The following VWF variants were observed in gnomAD, a reference collection of about 807,000 sequenced individuals.
VWF encodes Factor VIII related antigen.
A neutral mutation model predicts 308.6 loss-of-function variants in VWF; 176 were observed. That is an observed-to-expected ratio of 0.57 (90% CI 0.50 to 0.65). The LOEUF is 0.65. Among genes scored for constraint, VWF ranks in the 30% least tolerant of loss-of-function variants. The pLI, the probability that VWF is intolerant of heterozygous loss-of-function variation, is 0.00. For synonymous variants in VWF, 1,385 were observed against 1,443.4 expected, an observed-to-expected ratio of 0.96 and a Z score of 0.92; for missense variants, 3,146 against 3,648.2, an observed-to-expected ratio of 0.86 and a Z score of 3.55.
At chr12:6,048,167 G>T (rs534903996) in intron 16 of VWF, among the ~76,000 whole-genome samples, 2 of 152,238 alleles carry the variant, frequency 1.3e-5, no homozygotes, top group South Asian at 4.1e-4. Flanking sequence ...ATTCAGTTTT[G>T]TTTTGCTTTG....
At position 6,027,876 on chromosome 12, in the gene VWF, A is replaced by C. The variant is rs11610548; in HGVS notation, c.2967+1466T>G. On this transcript the variant is annotated intron_variant, in intron 22 of 51. Coordinates refer to ENST00000261405, the MANE Select transcript of VWF (RefSeq NM_000552.5). Reference sequence around the variant, plus strand: ...CACACACACACACACACACACACACACACACACCCCTAAACAAAAAAACTT... The same window carrying C: ...CACACACACACACACACACACACACCCACACACCCCTAAACAAAAAAACTT... Among the ~76,000 whole-genome samples, 768 of 86,738 alleles carry C rather than the reference A, an allele frequency of 8.9e-3. 10 individuals carry two copies. Among genetic ancestry groups the C allele is most frequent in the African/African-American group, 0.036 (724 of 20,308 alleles). 56.9% of individuals were successfully genotyped at this position (86,738 alleles called of 152,430 possible).
At chr12:5,949,265 G>A (rs1943150611) in intron 51 of VWF, 62 bp from the exon 52 acceptor site, 7 of 1,557,248 alleles carry the variant, frequency 4.5e-6, no homozygotes, top group Non-Finnish European at 6.1e-6. Context: ...CTTAGGCAGG[G>A]CTCTGGGGCA....
chr12:5,985,151 G>T (rs1418884856), intron 39 of VWF, 32 bp from the exon 40 acceptor site: 3 of 1,605,364 alleles, frequency 1.9e-6, no homozygotes, highest in Non-Finnish European at 2.6e-6. Flanking sequence ...AAAAGTCAGA[G>T]AAATTAGTGG....
intron 50 of VWF, among the ~76,000 whole-genome samples, chr12:5,950,383 G>A (rs948218553): frequency 6.6e-6 from 1 of 152,104 alleles, no homozygotes; most frequent in East Asian, 1.9e-4. Flanking sequence ...AGGCACCTTT[G>A]TGAAGGCCTC....
Position 5,951,826 on chromosome 12 carries a change from T to C in VWF, c.8155+18A>G, listed in dbSNP as rs760153152. ...CTCTGATGGGTTTCAAGGGACAAGATATTAGTAACGCACTCACATGTGTCA... is the reference window on the plus strand; with the variant it reads ...CTCTGATGGGTTTCAAGGGACAAGACATTAGTAACGCACTCACATGTGTCA... On this transcript the variant is annotated intron_variant, in intron 50 of 51. Coordinates refer to ENST00000261405, the MANE Select transcript of VWF (RefSeq NM_000552.5). 1.9e-6 allele frequency: 3 copies of C among 1,614,124 alleles called. No homozygotes were observed. Among genetic ancestry groups the C allele is most frequent in the South Asian group, 1.1e-5 (1 of 91,070 alleles).
chr12:6,029,611 T>A, intron 21 of VWF, 123 bp from the exon 22 acceptor site: 1 of 1,303,032 alleles, frequency 7.7e-7, no homozygotes, highest in Non-Finnish European at 1.1e-6. Context: ...CTGCCACCCC[T>A]CCAGGACCCC....
At chr12:6,041,106 G>A (rs1430828440) in intron 18 of VWF, among the ~76,000 whole-genome samples, 1 of 152,178 alleles carries the variant, frequency 6.6e-6, no homozygotes, top group African/African-American at 2.4e-5. Context: ...TAAGAGTTTA[G>A]ATTTAGGGAT....
In VWF at chr12:6,108,332, T is replaced by TACACACACAC. The variant is rs553993725; in HGVS notation, c.532+2041_532+2042insGTGTGTGTGT. Reference sequence around the variant, plus strand: ...AAAGAAAGAAAGAAAGAAAGAAATATATACACACACACACACACACACACA... The same window carrying TACACACACAC: ...AAAGAAAGAAAGAAAGAAAGAAATATACACACACACATACACACACACACACACACACACA... On this transcript the variant is annotated intron_variant, in intron 5 of 51. Coordinates refer to ENST00000261405, the MANE Select transcript of VWF (RefSeq NM_000552.5). 1.5e-3 allele frequency among the ~76,000 whole-genome samples: 76 copies of TACACACACAC among 49,082 alleles called. 1 individual carries two copies. Among genetic ancestry groups the TACACACACAC allele is most frequent in the South Asian group, 3.7e-3 (8 of 2,160 alleles). 32.2% of individuals were successfully genotyped at this position (49,082 alleles called of 152,430 possible).
intron 9 of VWF, 100 bp downstream of exon 9, chr12:6,072,231 G>T: frequency 9.1e-7 from 1 of 1,093,698 alleles, no homozygotes; most frequent in Non-Finnish European, 1.4e-6. Flanking sequence ...TCTTGGCACG[G>T]TCCAGGTTCT....
intron 6 of VWF, among the ~76,000 whole-genome samples, chr12:6,090,420 G>A (rs1406978358): frequency 1.3e-5 from 2 of 152,112 alleles, no homozygotes; most frequent in Non-Finnish European, 2.9e-5. Flanking sequence ...AGCTGTGCTC[G>A]GCTACCCAAA....
At chr12:6,062,262 G>T (rs906384351) in intron 13 of VWF, among the ~76,000 whole-genome samples, 1 of 152,056 alleles carries the variant, frequency 6.6e-6, no homozygotes, top group Admixed American at 6.5e-5. Flanking sequence ...GCCATGACAC[G>T]GTTGGTGGGG....
At chr12:6,116,069 T>A (rs889531841) in intron 3 of VWF, among the ~76,000 whole-genome samples, 1 of 152,128 alleles carries the variant, frequency 6.6e-6, no homozygotes, top group Non-Finnish European at 1.5e-5. Flanking sequence ...CATGCAGAAC[T>A]CAGGGGCATC....
At position 6,064,252 on chromosome 12, in the gene VWF, G is replaced by T. The variant is rs766183710; in HGVS notation, c.1426C>A (p.Leu476Met). The T allele has an allele frequency of 6.2e-7, 1 of 1,614,152 alleles. No individual in the cohort carries two copies. The highest frequency in any genetic ancestry group is 8.5e-7 in the Non-Finnish European group (1 of 1,180,034). The stretch of plus-strand genomic sequence containing the variant: ...GGAGCAGGACGAAGCATACCTTTCA[G>T]GAGGGGGAGCTGGACGTCCTGGCCA... ...MDGQDVQLPL[L>M]KGDLRIQHTV... is the part of the protein sequence containing the mutation. The change falls in exon 12 of 52, where the codon CTG becomes ATG. Residue 476 changes from leucine (L) to methionine (M), a missense_variant. Transcript: ENST00000261405.
At chr12:6,010,626 T>C (rs757546746) in intron 34 of VWF, among the ~76,000 whole-genome samples, 1 of 152,228 alleles carries the variant, frequency 6.6e-6, no homozygotes, top group African/African-American at 2.4e-5. Flanking sequence ...CGCACATCCA[T>C]AGAAGAACAG....
chr12:6,043,298 G>A (rs1342195932), intron 18 of VWF, among the ~76,000 whole-genome samples: 2 of 152,166 alleles, frequency 1.3e-5, no homozygotes, highest in Admixed American at 6.5e-5. Flanking sequence ...GAGAGACACT[G>A]GTAATTGAGT....
intron 51 of VWF, 139 bp downstream of exon 51, chr12:5,949,647 A>C (rs1489817134): frequency 1.3e-6 from 1 of 781,244 alleles, no homozygotes; most frequent in Non-Finnish European, 2.0e-6. Flanking sequence ...ACATTTGCTT[A>C]AAAAAAAATG....
chr12:6,023,234 T>A (rs1171123252), intron 25 of VWF, among the ~76,000 whole-genome samples: 2 of 152,130 alleles, frequency 1.3e-5, no homozygotes, highest in African/African-American at 4.8e-5. Context: ...GTTTTCTACA[T>A]AAAAACATTA....
At chr12:6,011,868 A>G in intron 33 of VWF, 74 bp from the exon 34 acceptor site, 1 of 1,433,368 alleles carries the variant, frequency 7.0e-7, no homozygotes, top group Non-Finnish European at 9.8e-7. Context: ...CTGCCAGACA[A>G]CTGACCCCTA....
chr12:6,026,181 C>G (rs1412940503), intron 22 of VWF, 135 bp from the exon 23 acceptor site: 2 of 1,310,914 alleles, frequency 1.5e-6, no homozygotes, highest in South Asian at 2.6e-5. Context: ...GGGACAGAGA[C>G]TCAGAGGAGG....
Sources: gnomAD v4.1 joint callset for allele counts (sites outside exome capture counted in the v4.1 genomes callset) on GRCh38, gnomAD v4.1.1 for gene constraint, MANE v1.5 for transcripts, NCBI Gene and HGNC (gene_info 2026-07-23, HGNC 2026-07-21) for gene names.